The following SORCS2 variants were observed in gnomAD, a reference collection of about 807,000 sequenced individuals.
SORCS2 encodes the protein sortilin related VPS10 domain containing receptor 2.
A neutral mutation model predicts 141.6 loss-of-function variants in SORCS2; 100 were observed. The observed-to-expected ratio is 0.71, with a 90% CI of 0.60 to 0.83. The LOEUF (loss-of-function observed/expected upper bound fraction) is 0.83. SORCS2 is among the 40% of genes least tolerant of loss of function. The pLI is 0.00. For synonymous variants in SORCS2, 789 were observed against 676.9 expected (o/e 1.17, Z -2.57); for missense variants, 1,646 against 1,560.2 (o/e 1.05, Z -0.93).
chr4:7,264,532 G>A (rs1295614751), intron 1 of SORCS2, among the ~76,000 whole-genome samples: 3 of 152,180 alleles, frequency 2.0e-5, no homozygotes, highest in African/African-American at 7.2e-5. Context: ...TCACAGGTGG[G>A]CACTCAGCCC....
chr4:7,489,219 G>A (rs1042114426), intron 2 of SORCS2, among the ~76,000 whole-genome samples: 1 of 152,166 alleles, frequency 6.6e-6, no homozygotes, highest in Admixed American at 6.5e-5. Flanking sequence ...GTGCTGGGTG[G>A]CAGGAAGCTG....
intron 3 of SORCS2, among the ~76,000 whole-genome samples, chr4:7,579,111 A>G (rs1715969858): frequency 6.6e-6 from 1 of 152,154 alleles, no homozygotes; most frequent in African/African-American, 2.4e-5. Flanking sequence ...ACACAAACCC[A>G]TCAATCCCCA....
intron 1 of SORCS2, among the ~76,000 whole-genome samples, chr4:7,324,959 A>AGGAG (rs1719149345): frequency 6.6e-6 from 1 of 152,172 alleles, no homozygotes; most frequent in Non-Finnish European, 1.5e-5. Flanking sequence ...GGCTCTGCTG[A>AGGAG]GCGCCCTGGC....
At chr4:7,672,837 T>C (rs985734424) in intron 8 of SORCS2, among the ~76,000 whole-genome samples, 1 of 152,102 alleles carries the variant, frequency 6.6e-6, no homozygotes, top group Middle Eastern at 3.2e-3. Context: ...ATCTAGCCAG[T>C]GAGATGCTAG....
At chr4:7,428,157 C>T (rs1442581711) in intron 2 of SORCS2, among the ~76,000 whole-genome samples, 2 of 152,158 alleles carry the variant, frequency 1.3e-5, no homozygotes, top group African/African-American at 4.8e-5. Flanking sequence ...GCACAGCGTC[C>T]CTGGGGCGGC....
intron 18 of SORCS2, among the ~76,000 whole-genome samples, chr4:7,720,941 G>A (rs574762778): frequency 6.6e-6 from 1 of 152,212 alleles, no homozygotes; most frequent in Non-Finnish European, 1.5e-5. Context: ...GTTTCTTAAC[G>A]AACTCAACAT....
At chr4:7,617,186 T>A (rs1315448234) in intron 3 of SORCS2, among the ~76,000 whole-genome samples, 1 of 152,180 alleles carries the variant, frequency 6.6e-6, no homozygotes, top group Non-Finnish European at 1.5e-5. Context: ...GCCATTGATC[T>A]ATATATTTAT....
chr4:7,707,704 C>G (rs1260688826), intron 14 of SORCS2, among the ~76,000 whole-genome samples: 1 of 152,214 alleles, frequency 6.6e-6, no homozygotes, highest in Non-Finnish European at 1.5e-5. Context: ...CGTCCCCAGG[C>G]CACGCACAGC....
chr4:7,314,728 T>C (rs1030919219), intron 1 of SORCS2, among the ~76,000 whole-genome samples: 6 of 151,510 alleles, frequency 4.0e-5, no homozygotes, highest in Non-Finnish European at 7.4e-5. Flanking sequence ...GTCTTGTCAC[T>C]TGGCTTTGCT....
intron 2 of SORCS2, among the ~76,000 whole-genome samples, chr4:7,488,882 C>A (rs1456551720): frequency 6.6e-6 from 1 of 152,222 alleles, no homozygotes; most frequent in Non-Finnish European, 1.5e-5. Context: ...CATGCTTAAA[C>A]TTCTGAGGCA....
chr4:7,495,736 T>A (rs1317227149), intron 2 of SORCS2, among the ~76,000 whole-genome samples: 1 of 152,214 alleles, frequency 6.6e-6, no homozygotes, highest in Non-Finnish European at 1.5e-5. Flanking sequence ...TCCTGATGCC[T>A]GGGCCTAGGC....
chr4:7,400,700 T>A (rs1400333995), intron 2 of SORCS2, among the ~76,000 whole-genome samples: 1 of 151,856 alleles, frequency 6.6e-6, no homozygotes, highest in Non-Finnish European at 1.5e-5. Flanking sequence ...GATGGATGGA[T>A]GAATGGATGG....
chr4:7,569,283 T>G (rs898112932), intron 3 of SORCS2, among the ~76,000 whole-genome samples: 1 of 152,122 alleles, frequency 6.6e-6, no homozygotes, highest in African/African-American at 2.4e-5. Context: ...GAGGCTGAGG[T>G]GGGCAGATCA....
chr4:7,736,648 T>C (rs1196523743), intron 25 of SORCS2, among the ~76,000 whole-genome samples: 2 of 152,176 alleles, frequency 1.3e-5, no homozygotes, highest in African/African-American at 2.4e-5. Context: ...TGGATGGGGC[T>C]CAGCAAGTGC....
In SORCS2 at chr4:7,193,005, C is replaced by A; in HGVS notation, c.359C>A (p.Ala120Glu). 1 of 1,464,670 alleles carries A rather than the reference C, an allele frequency of 6.8e-7. No individual in the cohort carries two copies. Among genetic ancestry groups the A allele is most frequent in the Non-Finnish European group, 9.0e-7 (1 of 1,115,362 alleles). 90.7% of individuals were successfully genotyped at this position (1,464,670 alleles called of 1,614,324 possible). The change falls in exon 1 of 27, where the codon GCG becomes GAG. Residue 120 changes from alanine (A) to glutamate (E), a missense_variant. Coordinates refer to ENST00000507866, the MANE Select transcript of SORCS2 (RefSeq NM_020777.3). This position sits in a 1 kb window ranked among gnomAD's most constrained non-coding sequence, Gnocchi z 4.8. ...PAAGYRRWER[A>E]APLAGVASRA... ...GCGGGCTACCGGCGCTGGGAGCGGG[C>A]GGCGCCGCTGGCCGGAGTGGCTTCG...
intron 1 of SORCS2, among the ~76,000 whole-genome samples, chr4:7,318,325 T>C (rs541574665): frequency 2.0e-5 from 3 of 152,306 alleles, no homozygotes; most frequent in African/African-American, 7.2e-5. Context: ...TGGTTCTAGC[T>C]GGGCAGGGCT....
intron 1 of SORCS2, among the ~76,000 whole-genome samples, chr4:7,373,397 A>G (rs1722383497): frequency 7.0e-6 from 1 of 142,836 alleles, no homozygotes; most frequent in Non-Finnish European, 1.5e-5. Context: ...CAAATATTCA[A>G]ATTTGGGGGT....
chr4:7,237,636 G>A (rs902878225), intron 1 of SORCS2, among the ~76,000 whole-genome samples: 8 of 152,084 alleles, frequency 5.3e-5, no homozygotes, highest in Non-Finnish European at 8.8e-5. Flanking sequence ...GAAAGCAGAC[G>A]GGATTCTATG....
At chr4:7,363,199 T>TCACCAC (rs199942866) in intron 1 of SORCS2, among the ~76,000 whole-genome samples, 21 of 148,094 alleles carry the variant, frequency 1.4e-4, no homozygotes, top group African/African-American at 5.0e-4. Flanking sequence ...ACCTTCACCG[T>TCACCAC]CACCACCACC....
Sources: gnomAD v4.1 joint callset for allele counts (sites outside exome capture counted in the v4.1 genomes callset) on GRCh38, gnomAD v4.1.1 for gene constraint, Gnocchi (gnomAD v3.1) non-coding constraint, MANE v1.5 for transcripts, NCBI Gene and HGNC (gene_info 2026-07-23, HGNC 2026-07-21) for gene names.